The following MMP16 variants were observed in gnomAD, a reference collection of about 807,000 sequenced individuals.
MMP16 encodes the protein matrix metalloproteinase-16.
In MMP16, 12 loss-of-function variants were observed where a neutral mutation model predicts 67.8. The ratio of observed to expected loss-of-function variants is 0.18; its 90% CI spans 0.11 to 0.29. MMP16 has a LOEUF of 0.29. Ranked by LOEUF, MMP16 falls within the 10% of genes least tolerant of loss-of-function variation. The pLI, the probability that MMP16 is intolerant of heterozygous loss-of-function variation, is 1.00. For synonymous variants in MMP16, 249 were observed against 255.9 expected (o/e 0.97, Z 0.26); for missense variants, 475 against 765.7 (o/e 0.62, Z 4.48).
In MMP16 at chr8:88,298,034, G is replaced by A. The variant is rs376143453; in HGVS notation, c.132+29041C>T. Among the ~76,000 whole-genome samples, 137 of 152,120 alleles carry A rather than the reference G, an allele frequency of 9.0e-4. 1 individual carries two copies. Among genetic ancestry groups the A allele is most frequent in the South Asian group, 2.9e-3 (14 of 4,812 alleles). On this transcript the variant is annotated intron_variant, in intron 1 of 9. Coordinates refer to ENST00000286614, the MANE Select transcript of MMP16 (RefSeq NM_005941.5). ...CAGTTGTGCACAAAGCAAAAATCTA[G>A]GCCTGTAAAAAAGGCAGGGAAAAAA...
At chr8:88,322,183 T>C (rs932201047) in intron 1 of MMP16, among the ~76,000 whole-genome samples, 1 of 151,996 alleles carries the variant, frequency 6.6e-6, no homozygotes, top group African/African-American at 2.4e-5. Flanking sequence ...CCTACTGAAT[T>C]ATAAAGGCCT....
chr8:88,195,110 A>C (rs1224950512), intron 2 of MMP16, among the ~76,000 whole-genome samples: 4 of 151,996 alleles, frequency 2.6e-5, no homozygotes, highest in Non-Finnish European at 5.9e-5. Context: ...AACTGTTCAG[A>C]CCCCTTTCCA....
chr8:88,160,453 C>T (rs572762817), intron 4 of MMP16, among the ~76,000 whole-genome samples: 1 of 151,954 alleles, frequency 6.6e-6, no homozygotes, highest in East Asian at 1.9e-4. Flanking sequence ...ACAAACAACC[C>T]CATCAAAAAG....
At chr8:88,115,558 G>A (rs1015189510) in intron 6 of MMP16, among the ~76,000 whole-genome samples, 1 of 151,886 alleles carries the variant, frequency 6.6e-6, no homozygotes, top group African/African-American at 2.4e-5. Context: ...AAAATTATAC[G>A]AAATCTGTAT....
intron 4 of MMP16, among the ~76,000 whole-genome samples, chr8:88,165,661 A>T (rs1563551452): frequency 6.6e-6 from 1 of 152,148 alleles, no homozygotes; most frequent in Non-Finnish European, 1.5e-5. Flanking sequence ...TTTATGTGTC[A>T]AACTGGTATG....
At chr8:88,222,012 A>G (rs988784946) in intron 1 of MMP16, among the ~76,000 whole-genome samples, 1 of 152,008 alleles carries the variant, frequency 6.6e-6, no homozygotes, top group Non-Finnish European at 1.5e-5. Context: ...TTAGAAGAAA[A>G]TCATCCTCCT....
intron 1 of MMP16, among the ~76,000 whole-genome samples, chr8:88,286,678 C>CCATT (rs1292028786): frequency 2.6e-5 from 4 of 152,008 alleles, no homozygotes. Context: ...AGCGTTCATG[C>CCATT]CATTCTCCTG....
chr8:88,155,326 A>C (rs2129660186), intron 4 of MMP16, among the ~76,000 whole-genome samples: 1 of 152,162 alleles, frequency 6.6e-6, no homozygotes, highest in African/African-American at 2.4e-5. Context: ...ATTGTCTAGA[A>C]ATTTGCATAG....
At chr8:88,270,348 G>T (rs1219461799) in intron 1 of MMP16, among the ~76,000 whole-genome samples, 3 of 152,122 alleles carry the variant, frequency 2.0e-5, no homozygotes, top group African/African-American at 7.2e-5. Context: ...TGAATACCAG[G>T]GAGAAACAGA....
chr8:88,129,385 C>T (rs1355102212), intron 4 of MMP16, among the ~76,000 whole-genome samples: 9 of 151,536 alleles, frequency 5.9e-5, no homozygotes, highest in Non-Finnish European at 1.0e-4. Context: ...GAAAACAACC[C>T]TCTATATTCA....
rs376960460 is a variant in MMP16 at position 88,056,199 on chromosome 8, A to T, written c.1302T>A (p.Ile434=). Reference sequence around the variant, plus strand: ...TGGCTGAATCAATACCATGAGGGGGAATTCCACTTCCAAGGGTTATCAAGT... The same window carrying T: ...TGGCTGAATCAATACCATGAGGGGGTATTCCACTTCCAAGGGTTATCAAGT... ...PHDLITLGSG[I]PPHGIDSAIW... Residue 434 remains isoleucine (I), a synonymous_variant, in exon 8 of 10, where the codon ATT becomes ATA. Transcript: ENST00000286614. The T allele has an allele frequency of 5.1e-5, 81 of 1,602,696 alleles. No homozygotes were observed. The African/African-American group carries it at 9.9e-4, about 20-fold the overall frequency.
At chr8:88,093,807 T>A in intron 6 of MMP16, among the ~76,000 whole-genome samples, 1 of 151,952 alleles carries the variant, frequency 6.6e-6, no homozygotes, top group African/African-American at 2.4e-5. Flanking sequence ...TGGGTTATGG[T>A]TGAACATCAA....
intron 4 of MMP16, among the ~76,000 whole-genome samples, chr8:88,130,204 C>A (rs534734407): frequency 1.3e-5 from 2 of 151,720 alleles, no homozygotes; most frequent in East Asian, 3.9e-4. Flanking sequence ...TTTGTGCAGT[C>A]AAAATTAGCG....
intron 1 of MMP16, among the ~76,000 whole-genome samples, chr8:88,215,878 A>G (rs1262538475): frequency 6.6e-6 from 1 of 152,108 alleles, no homozygotes; most frequent in South Asian, 2.1e-4. Flanking sequence ...TGCCAATTTG[A>G]GTGTATTCCA....
In MMP16 at chr8:88,327,382, A is replaced by C; in HGVS notation, c.-176T>G. 1.5e-6 allele frequency: 1 copy of C among 672,910 alleles called. No homozygotes were observed. Among genetic ancestry groups the C allele is most frequent in the Non-Finnish European group, 2.5e-6 (1 of 405,244 alleles). The allele number at this position is 672,910 out of a possible 1,614,324, so 41.7% of individuals were successfully genotyped here. On this transcript the variant is annotated 5_prime_UTR_variant, in exon 1 of 10. Coordinates refer to ENST00000286614, the MANE Select transcript of MMP16 (RefSeq NM_005941.5). ...GGGGCCCCGCGCTCGGCAGCCCCCG[A>C]GAGGCAGCGGCGAAGACAGGGTCAG...
At chr8:88,144,074 A>C (rs758939536) in intron 4 of MMP16, among the ~76,000 whole-genome samples, 33 of 151,952 alleles carry the variant, frequency 2.2e-4, no homozygotes, top group Non-Finnish European at 4.6e-4. Context: ...GCTCTAAATA[A>C]AAAGCTTTTA....
intron 4 of MMP16, among the ~76,000 whole-genome samples, chr8:88,123,211 C>T (rs1440031510): frequency 6.6e-6 from 1 of 151,952 alleles, no homozygotes; most frequent in African/African-American, 2.4e-5. Context: ...TAAGAAAAAA[C>T]TGAACAGTAG....
At chr8:88,241,025 C>T (rs570724683) in intron 1 of MMP16, among the ~76,000 whole-genome samples, 36 of 151,080 alleles carry the variant, frequency 2.4e-4, no homozygotes, top group African/African-American at 8.0e-4. Context: ...GTGTTGAACT[C>T]GTGAATCTTG....
At chr8:88,132,318 C>T (rs148433714) in intron 4 of MMP16, among the ~76,000 whole-genome samples, 50 of 151,936 alleles carry the variant, frequency 3.3e-4, no homozygotes, top group African/African-American at 8.0e-4. Context: ...TTTAAGTTAG[C>T]CATTGCTACA....
Sources: allele counts gnomAD v4.1 joint callset (sites outside exome capture counted in the v4.1 genomes callset), GRCh38; gene constraint gnomAD v4.1.1; transcripts MANE v1.5; gene names NCBI Gene and HGNC (gene_info 2026-07-23, HGNC 2026-07-21).